Variants in TMEM74 observed in about 807,000 individuals in gnomAD.
The protein encoded by TMEM74 is transmembrane protein 74.
In TMEM74, 13 loss-of-function variants were observed where a neutral mutation model predicts 18.1. The ratio of observed to expected loss-of-function variants is 0.72; its 90% CI spans 0.47 to 1.14. TMEM74 has a LOEUF of 1.14. Ranked by LOEUF, TMEM74 falls within the 50% of genes most tolerant of loss-of-function variation. The pLI, the probability that TMEM74 is intolerant of heterozygous loss-of-function variation, is 0.00. For missense variants in TMEM74, 372 were observed against 375.9 expected, an observed-to-expected ratio of 0.99 and a Z score of 0.09; for synonymous variants, 159 against 146.6, an observed-to-expected ratio of 1.08 and a Z score of -0.61.
chr8:108,720,021 T>A (rs1215268763), intron 1 of TMEM74, among the ~76,000 whole-genome samples: 1 of 152,158 alleles, frequency 6.6e-6, no homozygotes, highest in African/African-American at 2.4e-5. Context: ...GATAATTATG[T>A]CATCATCTTG....
intron 1 of TMEM74, among the ~76,000 whole-genome samples, chr8:108,699,660 C>G (rs574456555): frequency 2.0e-5 from 3 of 152,290 alleles, no homozygotes; most frequent in African/African-American, 7.2e-5. Context: ...GCCTGGGTGA[C>G]TTAATCAACA....
intron 2 of TMEM74, among the ~76,000 whole-genome samples, chr8:108,617,718 G>C (rs190109555): frequency 1.9e-3 from 296 of 152,140 alleles, no homozygotes; most frequent in Non-Finnish European, 2.8e-3. Flanking sequence ...AGGGAGATGT[G>C]GGGGAGAGAA....
intron 1 of TMEM74, among the ~76,000 whole-genome samples, chr8:108,785,766 C>A (rs1285389253): frequency 6.6e-6 from 1 of 152,196 alleles, no homozygotes; most frequent in East Asian, 1.9e-4. Flanking sequence ...GCTAAGCTTA[C>A]ACCTCATACA....
chr8:108,773,964 A>G (rs952872742), intron 1 of TMEM74, among the ~76,000 whole-genome samples: 1 of 152,180 alleles, frequency 6.6e-6, no homozygotes, highest in African/African-American at 2.4e-5. Context: ...TTTAAGCTAC[A>G]CTTTGGGGTA....
chr8:108,655,057 C>A (rs1220123191), intron 2 of TMEM74, among the ~76,000 whole-genome samples: 1 of 152,018 alleles, frequency 6.6e-6, no homozygotes, highest in South Asian at 2.1e-4. Context: ...TTCCTTTGAC[C>A]TAACATATCT....
At chr8:108,689,388 G>GT (rs1280274194) in intron 1 of TMEM74, among the ~76,000 whole-genome samples, 1 of 152,136 alleles carries the variant, frequency 6.6e-6, no homozygotes, top group Non-Finnish European at 1.5e-5. Context: ...ACGAACCACA[G>GT]TTTTTCTGCC....
At chr8:108,695,847 C>A (rs747615336) in intron 1 of TMEM74, among the ~76,000 whole-genome samples, 2 of 152,084 alleles carry the variant, frequency 1.3e-5, no homozygotes, top group African/African-American at 2.4e-5. Context: ...TCAGTGATGC[C>A]CATCAGAAAT....
rs186808503 is a variant in TMEM74 at position 108,661,937 on chromosome 8, T to A, written n.120-6500A>T. On this transcript the variant is annotated intron_variant and non_coding_transcript_variant, in intron 1 of 3. Coordinates refer to the TMEM74 transcript ENST00000518838. ...GGAAGGAAATAATAACAGATGAGAC[T>A]GGTGAAAAAGGATGATACAACTATA... 1.4e-3 allele frequency among the ~76,000 whole-genome samples: 213 copies of A among 152,250 alleles called. 1 individual carries two copies. The highest frequency in any genetic ancestry group is 6.8e-3 in the Middle Eastern group (2 of 294).
At chr8:108,683,227 ACT>A (rs1813133460) in intron 1 of TMEM74, among the ~76,000 whole-genome samples, 1 of 151,714 alleles carries the variant, frequency 6.6e-6, no homozygotes, top group African/African-American at 2.4e-5. Flanking sequence ...ACAGATAATT[ACT>A]CTGTTAAACT....
intron 1 of TMEM74, among the ~76,000 whole-genome samples, chr8:108,745,888 A>G (rs995387828): frequency 1.3e-5 from 2 of 152,174 alleles, no homozygotes; most frequent in East Asian, 1.9e-4. Flanking sequence ...GAAAATCCCT[A>G]TCTTGTTGTG....
At chr8:108,623,259 T>C (rs1812460758) in intron 2 of TMEM74, among the ~76,000 whole-genome samples, 1 of 152,150 alleles carries the variant, frequency 6.6e-6, no homozygotes, top group Admixed American at 6.6e-5. Flanking sequence ...TTCTAAATGC[T>C]GTGAAACATT....
chr8:108,661,465 T>C (rs1056293979), intron 1 of TMEM74, among the ~76,000 whole-genome samples: 6 of 151,538 alleles, frequency 4.0e-5, no homozygotes, highest in African/African-American at 7.3e-5. Context: ...CATTGGTCTT[T>C]TTGTTTGCAA....
intron 1 of TMEM74, among the ~76,000 whole-genome samples, chr8:108,728,180 A>G (rs1813659993): frequency 6.6e-6 from 1 of 152,208 alleles, no homozygotes; most frequent in Non-Finnish European, 1.5e-5. Context: ...AAGTGGGAGA[A>G]AAGTGGGCCA....
At chr8:108,744,181 G>A (rs935229382) in intron 1 of TMEM74, among the ~76,000 whole-genome samples, 2 of 152,094 alleles carry the variant, frequency 1.3e-5, no homozygotes, top group Non-Finnish European at 1.5e-5. Flanking sequence ...TTTTGGTGTC[G>A]ATCTGACGTC....
intron 1 of TMEM74, among the ~76,000 whole-genome samples, chr8:108,668,982 G>A (rs543499336): frequency 6.7e-4 from 102 of 152,068 alleles, no homozygotes; most frequent in African/African-American, 2.2e-3. Flanking sequence ...AATTTAGTCT[G>A]AAGTTCTGCT....
At chr8:108,616,579 C>A (rs1812386123) in intron 2 of TMEM74, among the ~76,000 whole-genome samples, 2 of 152,086 alleles carry the variant, frequency 1.3e-5, no homozygotes, top group African/African-American at 4.8e-5. Context: ...GGCATTATGG[C>A]AGATATATGT....
At chr8:108,644,809 TCA>T in intron 2 of TMEM74, among the ~76,000 whole-genome samples, 1 of 152,098 alleles carries the variant, frequency 6.6e-6, no homozygotes, top group East Asian at 1.9e-4. Context: ...AGGTAAAACC[TCA>T]CACCAGTCAG....
chr8:108,621,505 A>G (rs1812439896), intron 2 of TMEM74, among the ~76,000 whole-genome samples: 1 of 152,084 alleles, frequency 6.6e-6, no homozygotes, highest in Non-Finnish European at 1.5e-5. Flanking sequence ...TGTGAATTTT[A>G]CTGTAGCTGT....
At chr8:108,748,752 A>G (rs1409686579) in intron 1 of TMEM74, among the ~76,000 whole-genome samples, 1 of 149,928 alleles carries the variant, frequency 6.7e-6, no homozygotes, top group Non-Finnish European at 1.5e-5. Context: ...TCTTTAATCC[A>G]TCTTGAGTTG....
Sources: gnomAD v4.1 joint callset for allele counts (sites outside exome capture counted in the v4.1 genomes callset) on GRCh38, gnomAD v4.1.1 for gene constraint, MANE v1.5 for transcripts, NCBI Gene and HGNC (gene_info 2026-07-23, HGNC 2026-07-21) for gene names.